Variants in FRAS1 observed in about 807,000 individuals in gnomAD.
FRAS1 encodes the protein extracellular matrix organizing protein FRAS1.
Under a neutral mutation model 435.2 loss-of-function variants are expected in FRAS1, and 290 were observed. The observed-to-expected ratio is 0.67, with a 90% CI of 0.61 to 0.73. The LOEUF (loss-of-function observed/expected upper bound fraction) is 0.73. Ranked by LOEUF, FRAS1 falls within the 30% of genes least tolerant of loss-of-function variation. FRAS1 has a pLI of 0.00. For synonymous variants in FRAS1, 1,800 were observed against 1,851.0 expected, an observed-to-expected ratio of 0.97 and a Z score of 0.71; for missense variants, 4,860 against 5,001.5, an observed-to-expected ratio of 0.97 and a Z score of 0.85.
rs139966219 is a variant in FRAS1, at chr4:78,067,084, T to G, written c.108+1068T>G. Among the ~76,000 whole-genome samples, 937 of 152,314 alleles carry G rather than the reference T, an allele frequency of 6.2e-3. 13 individuals carry two copies. The highest frequency in any genetic ancestry group is 0.022 in the African/African-American group (904 of 41,568). On this transcript the variant is annotated intron_variant, in intron 2 of 73. Transcript: ENST00000512123. ...TATTATCACTTTTGGGGAGCTACAG[T>G]AGATATTTAGACAAGTCAGTTATCC...
At chr4:78,464,409 C>G (rs1719461194) in intron 48 of FRAS1, 34 bp from the exon 49 acceptor site, 4 of 1,613,442 alleles carry the variant, frequency 2.5e-6, no homozygotes, top group Non-Finnish European at 3.4e-6. Context: ...GTGCTAGGGA[C>G]AGGTGTCCCA....
At chr4:78,307,505 A>G (rs1728814363) in intron 14 of FRAS1, among the ~76,000 whole-genome samples, 1 of 152,182 alleles carries the variant, frequency 6.6e-6, no homozygotes, top group Non-Finnish European at 1.5e-5. Flanking sequence ...GCAATCAGCG[A>G]GACTCCGTGG....
intron 61 of FRAS1, among the ~76,000 whole-genome samples, chr4:78,503,691 G>A (rs72871342): frequency 0.011 from 1,662 of 152,180 alleles, 12 homozygotes; most frequent in Middle Eastern, 0.017. Flanking sequence ...TTTGTTTGAA[G>A]GGTTTTTTGT....
intron 14 of FRAS1, among the ~76,000 whole-genome samples, chr4:78,307,286 T>C (rs1278876650): frequency 1.3e-5 from 2 of 152,148 alleles, no homozygotes; most frequent in Non-Finnish European, 2.9e-5. Context: ...GACAGGGACA[T>C]TTAAGTCTGC....
rs532065021 is a variant in FRAS1 at position 78,539,210 on chromosome 4, C to T, written c.11299-84C>T. The stretch of plus-strand genomic sequence containing the variant: ...AACCTAAAGCCAGGAGTGATGAGTA[C>T]TTTTCTCCTCCCAGTCACTGCCACC... On this transcript the variant is annotated intron_variant, in intron 72 of 73. Transcript: ENST00000512123. The T allele has an allele frequency of 3.6e-5, 50 of 1,381,768 alleles. 2 individuals are homozygous for T. In the South Asian group the frequency reaches 6.5e-4, roughly 18 times the overall value. 85.6% of individuals were successfully genotyped at this position (1,381,768 alleles called of 1,614,324 possible).
chr4:78,412,117 G>A (rs937779889), intron 31 of FRAS1, among the ~76,000 whole-genome samples: 3 of 152,176 alleles, frequency 2.0e-5, no homozygotes, highest in Non-Finnish European at 4.4e-5. Context: ...TTTGAGACTC[G>A]ATCCCAGGCA....
rs1409442760 is a variant in FRAS1, at chr4:78,210,408, C to CT, written c.109-27101dup. 3.9e-5 allele frequency among the ~76,000 whole-genome samples: 6 copies of CT among 152,340 alleles called. No homozygotes were observed. The East Asian group carries it at 1.2e-3, about 29-fold the overall frequency. On this transcript the variant is annotated intron_variant, in intron 2 of 73. Transcript: ENST00000512123. The stretch of plus-strand genomic sequence containing the variant: ...GTACTGTTCATTCTCCCAACAGACT[C>CT]TATCAGGCCTAGGTCTATATCACTT...
rs763355889 is a variant in FRAS1 at position 78,445,612 on chromosome 4, G to A, written c.5756G>A (p.Ser1919Asn). 5.0e-5 allele frequency: 80 copies of A among 1,613,684 alleles called. No individual in the cohort carries two copies. The highest frequency in any genetic ancestry group is 6.4e-5 in the Non-Finnish European group (75 of 1,179,802). ...VLENYIYYFQ[S>N]VHESIEPTHD... ...GAAAACTACATTTACTACTTTCAGA[G>A]TGTTCATGAAAGCATTGAGCCAACC... Residue 1919 changes from serine to asparagine, a missense_variant, in exon 42 of 74, where the codon AGT becomes AAT. Transcript: ENST00000512123.
At chr4:78,439,615 A>T (rs1368771354) in intron 40 of FRAS1, among the ~76,000 whole-genome samples, 1 of 151,920 alleles carries the variant, frequency 6.6e-6, no homozygotes, top group Non-Finnish European at 1.5e-5. Context: ...TTATATTTTT[A>T]TTTATTTTAT....
intron 27 of FRAS1, among the ~76,000 whole-genome samples, chr4:78,383,184 AC>A (rs1274530109): frequency 3.9e-5 from 6 of 152,218 alleles, no homozygotes; most frequent in East Asian, 1.9e-4. Context: ...ACTAATTGGG[AC>A]TTTTTGGTTG....
At chr4:78,451,143 C>T (rs769975432) in intron 45 of FRAS1, among the ~76,000 whole-genome samples, 10 of 152,070 alleles carry the variant, frequency 6.6e-5, no homozygotes, top group South Asian at 2.1e-4. Flanking sequence ...AAGATAAGAC[C>T]AGCCCCCTCT....
chr4:78,467,799 T>A (rs2109848628), intron 50 of FRAS1, among the ~76,000 whole-genome samples: 1 of 152,354 alleles, frequency 6.6e-6, no homozygotes, highest in African/African-American at 2.4e-5. Context: ...CATTGTAGTT[T>A]TGATTTGCAT....
chr4:78,078,035 G>A (rs1176011305), intron 2 of FRAS1, among the ~76,000 whole-genome samples: 2 of 151,964 alleles, frequency 1.3e-5, no homozygotes, highest in Non-Finnish European at 2.9e-5. Context: ...TCCTATGTGT[G>A]TATTTAACAA....
chr4:78,540,675 CT>C lies in FRAS1; in HGVS notation c.11592del (p.Asp3865MetfsTer19). 1 of 1,613,578 alleles carries C rather than the reference CT, an allele frequency of 6.2e-7. No homozygotes were observed. Among genetic ancestry groups the C allele is most frequent in the Non-Finnish European group, 8.5e-7 (1 of 1,179,642 alleles). Reference protein sequence around the residue: ...DLVEPDGQLILDDSLIYDNEG... With the variant: ...DLVEPDGQLIXDDSLIYDNEG... ...GGTAGAGCCCGATGGCCAGCTGATCCTTGATGATTCCCTCATCTATGACAAT... is the reference window on the plus strand; with the variant it reads ...GGTAGAGCCCGATGGCCAGCTGATCCTGATGATTCCCTCATCTATGACAAT... On this transcript the variant is annotated frameshift_variant, in exon 74 of 74. Coordinates refer to ENST00000512123, the MANE Select transcript of FRAS1 (RefSeq NM_025074.7). LOFTEE classifies it high-confidence loss of function.
chr4:78,193,367 G>A (rs1299201920), intron 2 of FRAS1, among the ~76,000 whole-genome samples: 1 of 152,136 alleles, frequency 6.6e-6, no homozygotes, highest in East Asian at 1.9e-4. Context: ...TGTTGACAGT[G>A]GGGTGTTAAA....
chr4:78,509,517 G>T (rs554896958), intron 63 of FRAS1, among the ~76,000 whole-genome samples: 1 of 152,040 alleles, frequency 6.6e-6, no homozygotes, highest in Non-Finnish European at 1.5e-5. Flanking sequence ...CCAGGACATC[G>T]ATGGCACATA....
chr4:78,421,862 G>C lies in FRAS1; in HGVS notation c.4541-1G>C. The C allele has an allele frequency of 6.2e-7, 1 of 1,613,698 alleles. No homozygotes were observed. Among genetic ancestry groups the C allele is most frequent in the Non-Finnish European group, 8.5e-7 (1 of 1,179,742 alleles). On this transcript the variant is annotated splice_acceptor_variant, in intron 33 of 73. Coordinates refer to ENST00000512123, the MANE Select transcript of FRAS1 (RefSeq NM_025074.7). LOFTEE classifies it high-confidence loss of function. ...GCTGAGGCCAAATCTCTTCCTCCCAGGTATCATCGAGCACCGGGACCACCC... is the reference window on the plus strand; with the variant it reads ...GCTGAGGCCAAATCTCTTCCTCCCACGTATCATCGAGCACCGGGACCACCC...
chr4:78,125,199 C>T (rs191929548), intron 2 of FRAS1, among the ~76,000 whole-genome samples: 2 of 152,306 alleles, frequency 1.3e-5, no homozygotes, highest in African/African-American at 4.8e-5. Flanking sequence ...TCTTTGTTCT[C>T]ATTGGTTTCA....
At chr4:78,063,747 C>T (rs1739865713) in intron 1 of FRAS1, among the ~76,000 whole-genome samples, 1 of 152,042 alleles carries the variant, frequency 6.6e-6, no homozygotes, top group African/African-American at 2.4e-5. Flanking sequence ...TCCTTTGGAG[C>T]TTTGAAAAGA....
Sources: gnomAD v4.1 joint callset for allele counts (sites outside exome capture counted in the v4.1 genomes callset) on GRCh38, gnomAD v4.1.1 for gene constraint, MANE v1.5 for transcripts, NCBI Gene and HGNC (gene_info 2026-07-23, HGNC 2026-07-21) for gene names.